The following ZNF746 variants were observed in gnomAD, a reference collection of about 807,000 sequenced individuals.
ZNF746 encodes parkin-interacting substrate.
ZNF746 carries 13 observed loss-of-function variants against 41.0 expected under a neutral mutation model. That is an observed-to-expected ratio of 0.32 (90% CI 0.21 to 0.50). ZNF746 has a LOEUF of 0.50. Among genes scored for constraint, ZNF746 ranks in the 20% least tolerant of loss-of-function variants. ZNF746 has a pLI of 0.98. For synonymous variants in ZNF746, 424 were observed against 396.2 expected (o/e 1.07, Z -0.83); for missense variants, 811 against 922.9 (o/e 0.88, Z 1.57).
intron 3 of ZNF746, 118 bp downstream of exon 3, chr7:149,493,871 A>G: frequency 6.5e-7 from 1 of 1,534,348 alleles, no homozygotes; most frequent in Non-Finnish European, 8.9e-7. Context: ...AACAACTTGC[A>G]AGGTCAACAA....
chr7:149,474,135 A>C lies in ZNF746; in HGVS notation c.*249T>G. The C allele has an allele frequency of 1.9e-6, 1 of 535,714 alleles. No homozygotes were observed. Among genetic ancestry groups the C allele is most frequent in the Non-Finnish European group, 3.3e-6 (1 of 304,184 alleles). The allele number at this position is 535,714 out of a possible 1,614,324, so 33.2% of individuals were successfully genotyped here. On this transcript the variant is annotated 3_prime_UTR_variant, in exon 7 of 7. Transcript: ENST00000458143. This position sits in a 1 kb window ranked among gnomAD's most constrained non-coding sequence, Gnocchi z 6.3. ...ATTAAAAAAAAACAAAAAACAAAAA[A>C]CAAAACAGGTTTGCAATTAAATTAC... is the stretch of plus-strand genomic sequence containing the variant.
In ZNF746 at chr7:149,494,143, A is replaced by C. The variant is rs1562994009; in HGVS notation, c.325-28T>G. 5 of 1,613,822 alleles carry C rather than the reference A, an allele frequency of 3.1e-6. No individual in the cohort carries two copies. The highest frequency in any genetic ancestry group is 4.2e-6 in the Non-Finnish European group (5 of 1,179,940). ...GGAACCACAAGTGTCACACTCGCTC[A>C]CCCACACGCTCACGGGTTTGGCCGC... is the stretch of plus-strand genomic sequence containing the variant. On this transcript the variant is annotated intron_variant, in intron 2 of 6. Coordinates refer to ENST00000458143, the MANE Select transcript of ZNF746 (RefSeq NM_001394198.1). This position sits in a 1 kb window ranked among gnomAD's most constrained non-coding sequence, Gnocchi z 5.6.
At chr7:149,492,458 C>T (rs1344426935) in intron 4 of ZNF746, among the ~76,000 whole-genome samples, 1 of 152,212 alleles carries the variant, frequency 6.6e-6, no homozygotes, top group African/African-American at 2.4e-5. Context: ...TAATAGGAGA[C>T]TACTAGCAGT....
intron 4 of ZNF746, among the ~76,000 whole-genome samples, chr7:149,482,467 G>GTTT (rs35195599): frequency 9.7e-5 from 14 of 144,652 alleles, no homozygotes; most frequent in Non-Finnish European, 1.5e-4. Flanking sequence ...TAATTCTAAG[G>GTTT]TTTTTTTTTT....
chr7:149,478,747 A>T (rs182970353), intron 4 of ZNF746, among the ~76,000 whole-genome samples: 14 of 152,386 alleles, frequency 9.2e-5, no homozygotes, highest in African/African-American at 2.6e-4. Context: ...ACAGTAACCT[A>T]AGTATGTCTA....
At chr7:149,493,858 G>A (rs185331310) in intron 3 of ZNF746, 131 bp downstream of exon 3, 351 of 1,464,412 alleles carry the variant, frequency 2.4e-4, no homozygotes, top group Middle Eastern at 1.4e-3. Flanking sequence ...CTTCACAAAA[G>A]GTAACAACTT....
rs1428224427 is a variant in ZNF746 at position 149,474,637 on chromosome 7, G to A, written c.1730C>T (p.Thr577Met). The A allele has an allele frequency of 2.5e-6, 4 of 1,613,534 alleles. No individual in the cohort carries two copies. The highest frequency in any genetic ancestry group is 2.5e-6 in the Non-Finnish European group (3 of 1,179,826). The change falls in exon 7 of 7, where the codon ACG (threonine) becomes ATG (methionine). Residue 577 changes from threonine to methionine, a missense_variant. Thr to Met is a moderately conservative substitution (Grantham distance 81). Transcript: ENST00000458143. The surrounding 1 kb of genome is among the most constrained non-coding windows in gnomAD (Gnocchi z 6.3). ...GGTGCAGGTGAAGGGCCGCACGCCCGTGTGCGTTCGGTAGTGGTCGATGAG... is the reference window on the plus strand; with the variant it reads ...GGTGCAGGTGAAGGGCCGCACGCCCATGTGCGTTCGGTAGTGGTCGATGAG... ...SKLIDHYRTH[T>M]GVRPFTCTVC...
intron 4 of ZNF746, among the ~76,000 whole-genome samples, chr7:149,486,129 G>A (rs1338223870): frequency 6.6e-6 from 1 of 152,114 alleles, no homozygotes; most frequent in Admixed American, 6.5e-5. Flanking sequence ...AGGATGTAAT[G>A]TTCAATCTTA....
Position 149,497,004 on chromosome 7 carries a change from C to T in ZNF746, c.24+509G>A, listed in dbSNP as rs1357733695. On this transcript the variant is annotated intron_variant, in intron 1 of 6. Coordinates refer to ENST00000458143, the MANE Select transcript of ZNF746 (RefSeq NM_001394198.1). This position sits in a 1 kb window ranked among gnomAD's most constrained non-coding sequence, Gnocchi z 4.2. ...CAGGCTTGCTGTGAGGACAGACTAA[C>T]GCCTCAACAGGGCTTGTGGAAGTGC... The T allele has an allele frequency of 3.0e-6, 3 of 985,304 alleles. No homozygotes were observed. The highest frequency in any genetic ancestry group is 6.1e-5 in the Admixed American group (1 of 16,272). 61.0% of individuals were successfully genotyped at this position (985,304 alleles called of 1,614,324 possible).
chr7:149,495,709 A>C (rs1800974024), intron 1 of ZNF746, among the ~76,000 whole-genome samples: 1 of 152,244 alleles, frequency 6.6e-6, no homozygotes, highest in Non-Finnish European at 1.5e-5. Context: ...ACTGAGAACT[A>C]GAATGCGGAT....
rs755947235 is a variant in ZNF746, at chr7:149,474,454, G to A, written c.1913C>T (p.Ser638Phe). 4 of 1,611,570 alleles carry A rather than the reference G, an allele frequency of 2.5e-6. No homozygotes were observed. Among genetic ancestry groups the A allele is most frequent in the Admixed American group, 3.4e-5 (2 of 59,694 alleles). ...KSPASKGPLA[S>F]TDLVTDWTCG... is the part of the protein sequence containing the mutation. ...AGTCCAGTCGGTCACAAGGTCTGTG[G>A]AGGCCAAAGGTCCTTTGGAGGCGGG... Residue 638 changes from serine to phenylalanine, a missense_variant, in exon 7 of 7, where the codon TCC becomes TTC. Physicochemically the swap from Ser to Phe is radical, Grantham distance 155 (BLOSUM62 -2). Around this residue, in one of 4 missense-constraint regions of ZNF746, gnomAD observed 99 missense variants for 80.3 expected, o/e 1.23. Coordinates refer to ENST00000458143, the MANE Select transcript of ZNF746 (RefSeq NM_001394198.1). The surrounding 1 kb of genome is among the most constrained non-coding windows in gnomAD (Gnocchi z 6.3).
rs1801056435 is a variant in ZNF746, at chr7:149,497,618, G to C, written c.-82C>G. ...GGCACCACGCAGGCCCGGCCGCCCGGTGCTCTCCGCAGGCGGCGCCTGCCT... is the reference window on the plus strand; with the variant it reads ...GGCACCACGCAGGCCCGGCCGCCCGCTGCTCTCCGCAGGCGGCGCCTGCCT... On this transcript the variant is annotated 5_prime_UTR_variant, in exon 1 of 7. Coordinates refer to ENST00000458143, the MANE Select transcript of ZNF746 (RefSeq NM_001394198.1). The surrounding 1 kb of genome is among the most constrained non-coding windows in gnomAD (Gnocchi z 4.2). 1.1e-5 allele frequency: 11 copies of C among 990,802 alleles called. No individual in the cohort carries two copies. In the South Asian group the frequency reaches 3.2e-4, roughly 29 times the overall value. The allele number at this position is 990,802 out of a possible 1,614,324, so 61.4% of individuals were successfully genotyped here.
rs1330989921 is a variant in ZNF746 at position 149,475,370 on chromosome 7, T to G, written c.997A>C (p.Thr333Pro). The part of the protein sequence containing the change: ...HGTLFGPGQA[T>P]RFFPSPAQEG... Reference sequence around the variant, plus strand: ...TGGGCAGGACTAGGGAAGAACCGTGTGGCTTGGCCTGGTCCAAACAGGGTC... The same window carrying G: ...TGGGCAGGACTAGGGAAGAACCGTGGGGCTTGGCCTGGTCCAAACAGGGTC... The change falls in exon 7 of 7, where the codon ACA becomes CCA. Residue 333 changes from threonine (T) to proline (P), a missense_variant. Transcript: ENST00000458143. The G allele has an allele frequency of 1.2e-6, 2 of 1,614,022 alleles. No individual in the cohort carries two copies. The highest frequency in any genetic ancestry group is 1.7e-5 in the Admixed American group (1 of 60,008).
chr7:149,497,586 C>CGCG lies in ZNF746; in HGVS notation c.-53_-51dup. The CGCG allele has an allele frequency of 9.6e-7, 1 of 1,040,484 alleles. No homozygotes were observed. The highest frequency in any genetic ancestry group is 5.7e-5 in the Admixed American group (1 of 17,666). The allele number at this position is 1,040,484 out of a possible 1,614,324, so 64.5% of individuals were successfully genotyped here. ...CGGAGGAAGTCGTCGTCGCCGCCGC[C>CGCG]GCGCGCGGCACCACGCAGGCCCGGC... On this transcript the variant is annotated 5_prime_UTR_variant, in exon 1 of 7. Coordinates refer to ENST00000458143, the MANE Select transcript of ZNF746 (RefSeq NM_001394198.1). This position sits in a 1 kb window ranked among gnomAD's most constrained non-coding sequence, Gnocchi z 4.2.
At chr7:149,488,415 A>G (rs1800689270) in intron 4 of ZNF746, 1 of 152,226 alleles carries the variant, frequency 6.6e-6, no homozygotes, top group South Asian at 2.1e-4. Context: ...AACAGTGAAA[A>G]CTTCCATACA....
chr7:149,494,768 C>T lies in ZNF746; in HGVS notation c.25-265G>A, dbSNP rs1800939106. 6.6e-6 allele frequency among the ~76,000 whole-genome samples: 1 copy of T among 151,966 alleles called. No individual in the cohort carries two copies. The highest frequency in any genetic ancestry group is 2.1e-4 in the South Asian group (1 of 4,806). ...TGCTTATCACCCTACACAATAATTT[C>T]CTACCCACACCTACACTGTGGGCTC... On this transcript the variant is annotated intron_variant, in intron 1 of 6. Coordinates refer to ENST00000458143, the MANE Select transcript of ZNF746 (RefSeq NM_001394198.1). The surrounding 1 kb of genome is among the most constrained non-coding windows in gnomAD (Gnocchi z 5.6).
intron 4 of ZNF746, 122 bp from the exon 5 acceptor site, chr7:149,477,877 G>A: frequency 1.3e-6 from 1 of 787,934 alleles, no homozygotes; most frequent in Non-Finnish European, 1.9e-6. Context: ...AAAGAGCCTG[G>A]TGGGAAGGGA....
intron 1 of ZNF746, among the ~76,000 whole-genome samples, chr7:149,496,196 G>A (rs1800990685): frequency 6.6e-6 from 1 of 152,152 alleles, no homozygotes; most frequent in Non-Finnish European, 1.5e-5. Context: ...ACTTTATTAA[G>A]AAAATATTAG....
chr7:149,486,225 C>T (rs111405641), intron 4 of ZNF746, among the ~76,000 whole-genome samples: 56 of 152,146 alleles, frequency 3.7e-4, no homozygotes, highest in African/African-American at 1.3e-3. Flanking sequence ...CAGCATTTCC[C>T]AGGGTGGTGA....
Sources: allele counts gnomAD v4.1 joint callset (sites outside exome capture counted in the v4.1 genomes callset), GRCh38; gene constraint gnomAD v4.1.1; regional missense constraint gnomAD v4.1.1; non-coding constraint Gnocchi (gnomAD v3.1); transcripts MANE v1.5; gene names NCBI Gene and HGNC (gene_info 2026-07-23, HGNC 2026-07-21).